The following SPMAP2 variants were observed in gnomAD, a reference collection of about 807,000 sequenced individuals.
SPMAP2 encodes the protein sperm microtubule associated protein 2.
the SPMAP2 span, among the ~76,000 whole-genome samples, chr19:362,765 TAA>T: frequency 8.5e-4 from 49 of 57,486 alleles, 2 homozygotes; most frequent in African/African-American, 2.3e-3. Flanking sequence ...GACTCCATCT[TAA>T]AAAAAAAAAA....
the SPMAP2 span, among the ~76,000 whole-genome samples, chr19:364,664 G>A: frequency 2.0e-5 from 3 of 152,212 alleles, no homozygotes; most frequent in African/African-American, 4.8e-5. Context: ...TAAGTGGGTC[G>A]GGGCAGGAGG....
At chr19:361,982 C>T in the SPMAP2 span, 2 of 402,904 alleles carry the variant, frequency 5.0e-6, no homozygotes, top group Non-Finnish European at 8.8e-6. Flanking sequence ...TAAGTCTGGA[C>T]TGAAGAGATT....
chr19:364,067 C>T, the SPMAP2 span, among the ~76,000 whole-genome samples: 3 of 151,808 alleles, frequency 2.0e-5, no homozygotes, highest in Non-Finnish European at 2.9e-5. Context: ...GGCGCGGTGG[C>T]TCATGCCTGT....
chr19:362,091 T>A, the SPMAP2 span: 1 of 716,332 alleles, frequency 1.4e-6, no homozygotes. Context: ...GTCCTCCTCA[T>A]CCTTCTTTTG....
the SPMAP2 span, among the ~76,000 whole-genome samples, chr19:372,241 TGTAAGTG>T: frequency 6.6e-6 from 1 of 152,264 alleles, no homozygotes; most frequent in Non-Finnish European, 1.5e-5. Flanking sequence ...GCACAGGGGC[TGTAAGTG>T]GTAAGAAAGA....
At chr19:374,312 C>T in the SPMAP2 span, 12 of 1,614,078 alleles carry the variant, frequency 7.4e-6, no homozygotes, top group Non-Finnish European at 9.3e-6. Flanking sequence ...TCTTTCAGGA[C>T]TTGCCAGTTT....
the SPMAP2 span, among the ~76,000 whole-genome samples, chr19:372,028 T>C: frequency 1.3e-5 from 2 of 152,200 alleles, no homozygotes; most frequent in East Asian, 3.8e-4. Context: ...TGTCTTCAGG[T>C]CACAGTATGA....
At chr19:362,338 G>T in the SPMAP2 span, 1 of 1,610,740 alleles carries the variant, frequency 6.2e-7, no homozygotes, top group Non-Finnish European at 8.5e-7. Context: ...AGATGATCCG[G>T]GGGCTGGCCA....
the SPMAP2 span, among the ~76,000 whole-genome samples, chr19:369,558 C>G: frequency 3.9e-4 from 60 of 152,240 alleles, no homozygotes; most frequent in South Asian, 1.2e-3. Flanking sequence ...CCTGAGCTCC[C>G]TCTCCCCACC....
chr19:362,052 G>A, the SPMAP2 span: 4 of 497,464 alleles, frequency 8.0e-6, no homozygotes, highest in South Asian at 6.7e-5. Flanking sequence ...TGGACAAGTC[G>A]CAGGTTGGAT....
the SPMAP2 span, chr19:373,978 G>T: frequency 3.0e-5 from 48 of 1,613,574 alleles, no homozygotes; most frequent in Non-Finnish European, 4.0e-5. Flanking sequence ...TACATGGGGA[G>T]ATCCAGGCAT....
the SPMAP2 span, among the ~76,000 whole-genome samples, chr19:372,389 C>G: frequency 1.7e-4 from 26 of 152,358 alleles, no homozygotes; most frequent in Admixed American, 4.6e-4. Context: ...TTCACGGGTG[C>G]CCTCCACCAC....
chr19:368,209 T>C, the SPMAP2 span, among the ~76,000 whole-genome samples: 4 of 152,074 alleles, frequency 2.6e-5, no homozygotes, highest in African/African-American at 4.8e-5. This position sits in a 1 kb window ranked among gnomAD's most constrained non-coding sequence, Gnocchi z 4.1. Context: ...AGAAAACCCA[T>C]AGTGCACTGA....
the SPMAP2 span, among the ~76,000 whole-genome samples, chr19:364,108 C>A: frequency 6.6e-6 from 1 of 150,932 alleles, no homozygotes; most frequent in South Asian, 2.1e-4. Flanking sequence ...CCGAGGCGGG[C>A]GGATCACAAG....
At chr19:371,214 G>A in the SPMAP2 span, 4 of 1,456,370 alleles carry the variant, frequency 2.7e-6, no homozygotes, top group African/African-American at 1.4e-5. Context: ...CCTCAGACAT[G>A]GGCATGCTCC....
chr19:375,856 T>C, the SPMAP2 span: 1 of 1,599,100 alleles, frequency 6.3e-7, no homozygotes, highest in South Asian at 1.1e-5. Flanking sequence ...ACCCGCCGGC[T>C]CTCGTACACA....
At chr19:372,640 T>C in the SPMAP2 span, 1 of 1,614,068 alleles carries the variant, frequency 6.2e-7, no homozygotes, top group Non-Finnish European at 8.5e-7. Flanking sequence ...CCTGTTGTTG[T>C]TGTAATATTC....
the SPMAP2 span, chr19:372,480 G>A: frequency 4.2e-6 from 3 of 709,792 alleles, no homozygotes; most frequent in Non-Finnish European, 7.2e-6. Flanking sequence ...TGCTGGGGAT[G>A]TGGGCTGGGA....
the SPMAP2 span, chr19:374,268 C>T: frequency 1.2e-6 from 2 of 1,610,240 alleles, no homozygotes; most frequent in Non-Finnish European, 1.7e-6. Context: ...CCACGCTGCC[C>T]CTACGAGGCC....
Sources: gnomAD v4.1 joint callset for allele counts (sites outside exome capture counted in the v4.1 genomes callset) on GRCh38, gnomAD v4.1.1 for gene constraint, Gnocchi (gnomAD v3.1) non-coding constraint, MANE v1.5 for transcripts, NCBI Gene and HGNC (gene_info 2026-07-23, HGNC 2026-07-21) for gene names.